Variants in XCR1 observed in about 807,000 individuals in gnomAD.
XCR1 encodes the protein chemokine XC receptor 1.
For synonymous variants in XCR1, 187 were observed against 188.5 expected, an observed-to-expected ratio of 0.99 and a Z score of 0.06; for missense variants, 356 against 424.2, an observed-to-expected ratio of 0.84 and a Z score of 1.41.
chr3:46,022,201 C>G, intron 1 of XCR1: 1 of 396,344 alleles, frequency 2.5e-6, no homozygotes, highest in South Asian at 5.2e-5. Flanking sequence ...CTCAGGAAAC[C>G]GGGGGGTGGG....
intron 4 of XCR1, among the ~76,000 whole-genome samples, chr3:46,062,364 A>G (rs73830720): frequency 0.058 from 8,831 of 152,164 alleles, 391 homozygotes; most frequent in African/African-American, 0.12. Context: ...ACCCCCCACT[A>G]CTTCTGGCTA....
At chr3:46,084,435 C>A (rs921215055) in intron 1 of XCR1, among the ~76,000 whole-genome samples, 2 of 152,186 alleles carry the variant, frequency 1.3e-5, no homozygotes, top group Non-Finnish European at 2.9e-5. Flanking sequence ...TAAGTAATTA[C>A]CTCTTGAAGC....
chr3:46,082,312 T>C (rs555329925), intron 1 of XCR1, among the ~76,000 whole-genome samples: 8 of 152,204 alleles, frequency 5.3e-5, no homozygotes, highest in Non-Finnish European at 1.2e-4. Context: ...GGAATACTTA[T>C]GGCGTTAGGC....
chr3:46,069,243 GA>G (rs1157456533), intron 3 of XCR1, among the ~76,000 whole-genome samples: 1 of 151,258 alleles, frequency 6.6e-6, no homozygotes, highest in Non-Finnish European at 1.5e-5. Flanking sequence ...AGAAAAAAAG[GA>G]AAAAAATAAG....
At chr3:46,069,383 C>G (rs943579508) in intron 3 of XCR1, among the ~76,000 whole-genome samples, 5 of 152,080 alleles carry the variant, frequency 3.3e-5, no homozygotes, top group African/African-American at 1.2e-4. Flanking sequence ...CACAAATTAG[C>G]AATATCAGGA....
In XCR1 at chr3:46,063,628, G is replaced by A. The variant is rs536280976; in HGVS notation, c.-183+3271C>T. Among the ~76,000 whole-genome samples the A allele has an allele frequency of 5.3e-5, 8 of 152,204 alleles. No individual in the cohort carries two copies. In the East Asian group the frequency reaches 1.2e-3, roughly 22 times the overall value. On this transcript the variant is annotated intron_variant, in intron 4 of 5. Coordinates refer to the XCR1 transcript ENST00000683768. ...ATGAACACCCAAGGGCAGAGCCTCGGGTGATCTGTCCTTATGCCACCTGCC... is the reference window on the plus strand; with the variant it reads ...ATGAACACCCAAGGGCAGAGCCTCGAGTGATCTGTCCTTATGCCACCTGCC...
chr3:46,023,654 G>A, intron 1 of XCR1: 2 of 1,388,510 alleles, frequency 1.4e-6, no homozygotes, highest in East Asian at 2.3e-5. Flanking sequence ...CAGAAGTACA[G>A]CCCTTCTTCA....
intron 1 of XCR1, among the ~76,000 whole-genome samples, chr3:46,024,454 A>AT (rs986737823): frequency 6.6e-6 from 1 of 152,168 alleles, no homozygotes; most frequent in African/African-American, 2.4e-5. Flanking sequence ...ACTTGGAATA[A>AT]TTTTTTTCAA....
chr3:46,049,614 C>CTCTA (rs139966967), intron 5 of XCR1, among the ~76,000 whole-genome samples: 15,331 of 152,024 alleles, frequency 0.1, 2,608 homozygotes, highest in African/African-American at 0.35. Context: ...AAGCTGTGAG[C>CTCTA]TCTAACACCT....
Position 46,019,212 on chromosome 3 carries a change from G to A in XCR1, c.*1734C>T, listed in dbSNP as rs931931594. On this transcript the variant is annotated 3_prime_UTR_variant, in exon 2 of 2. Coordinates refer to ENST00000309285, the MANE Select transcript of XCR1 (RefSeq NM_001024644.2). The stretch of plus-strand genomic sequence containing the variant: ...CTGAGAGTGTAGACTAGGAAAGAAA[G>A]GTTAATATTTATAGAGAAGCAGCCT... 1 of 152,142 alleles carries A rather than the reference G, an allele frequency of 6.6e-6. No homozygotes were observed. Among genetic ancestry groups the A allele is most frequent in the Non-Finnish European group, 1.5e-5 (1 of 68,022 alleles). The allele number at this position is 152,142 out of a possible 1,614,324, so 9.4% of individuals were successfully genotyped here. A position where few individuals can be genotyped will look rare whatever the true frequency, so the allele number is the denominator to read the frequency against.
intron 5 of XCR1, among the ~76,000 whole-genome samples, chr3:46,034,490 A>G (rs1233366049): frequency 6.6e-6 from 1 of 151,970 alleles, no homozygotes; most frequent in East Asian, 1.9e-4. Flanking sequence ...GTTCAGTACA[A>G]TGTTGAATAG....
chr3:46,066,406 G>A (rs990965416), intron 4 of XCR1, among the ~76,000 whole-genome samples: 4 of 152,068 alleles, frequency 2.6e-5, no homozygotes, highest in African/African-American at 7.2e-5. Flanking sequence ...CACCACGCCC[G>A]GCTAATTTTT....
intron 5 of XCR1, among the ~76,000 whole-genome samples, chr3:46,051,439 G>A (rs1208743798): frequency 6.6e-6 from 1 of 152,188 alleles, no homozygotes; most frequent in Admixed American, 6.5e-5. Context: ...CACTAAGGAC[G>A]TAGAAGTTAA....
chr3:46,044,267 A>T (rs1459901008), intron 5 of XCR1, among the ~76,000 whole-genome samples: 3 of 152,094 alleles, frequency 2.0e-5, no homozygotes, highest in Non-Finnish European at 4.4e-5. Flanking sequence ...GATTACAGGG[A>T]TGAGCCACCA....
At position 46,019,003 on chromosome 3, in the gene XCR1, C is replaced by T. The variant is rs543465336; in HGVS notation, c.*1943G>A. The T allele has an allele frequency of 6.6e-6, 1 of 152,302 alleles. No individual in the cohort carries two copies. The highest frequency in any genetic ancestry group is 1.5e-5 in the Non-Finnish European group (1 of 68,038). The allele number at this position is 152,302 out of a possible 1,614,324, so 9.4% of individuals were successfully genotyped here. A position where few individuals can be genotyped will look rare whatever the true frequency, so the allele number is the denominator to read the frequency against. Reference sequence around the variant, plus strand: ...TCAGGTTCACAGATTGGGCCCAGGTCTTTGTGGCATGGCAAAGTTTAGAGA... The same window carrying T: ...TCAGGTTCACAGATTGGGCCCAGGTTTTTGTGGCATGGCAAAGTTTAGAGA... On this transcript the variant is annotated 3_prime_UTR_variant, in exon 2 of 2. Coordinates refer to ENST00000309285, the MANE Select transcript of XCR1 (RefSeq NM_001024644.2).
At chr3:46,045,841 T>C (rs1002777110) in intron 5 of XCR1, among the ~76,000 whole-genome samples, 1 of 152,168 alleles carries the variant, frequency 6.6e-6, no homozygotes. Context: ...AAAGCTACCG[T>C]TGGATCCTGC....
intron 5 of XCR1, among the ~76,000 whole-genome samples, chr3:46,039,023 G>A (rs78173233): frequency 6.6e-6 from 1 of 151,306 alleles, no homozygotes; most frequent in Admixed American, 6.6e-5. Flanking sequence ...TTGACCCAAA[G>A]CCATTTATCA....
At position 46,017,512 on chromosome 3, in the gene XCR1, G is replaced by A. The variant is rs1188115882; in HGVS notation, c.*3434C>T. 1 of 152,146 alleles carries A rather than the reference G, an allele frequency of 6.6e-6. No individual in the cohort carries two copies. Among genetic ancestry groups the A allele is most frequent in the Non-Finnish European group, 1.5e-5 (1 of 68,032 alleles). 9.4% of individuals were successfully genotyped at this position (152,146 alleles called of 1,614,324 possible). A position where few individuals can be genotyped will look rare whatever the true frequency, so the allele number is the denominator to read the frequency against. On this transcript the variant is annotated 3_prime_UTR_variant, in exon 2 of 2. Coordinates refer to ENST00000309285, the MANE Select transcript of XCR1 (RefSeq NM_001024644.2). ...GGCAAGTATAGTAAGAGAAAACAGA[G>A]GTAGAAAAAAGGCCAAAAGATGGTC...
chr3:46,066,062 C>A (rs778988035), intron 4 of XCR1, among the ~76,000 whole-genome samples: 5 of 152,136 alleles, frequency 3.3e-5, no homozygotes, highest in Non-Finnish European at 7.4e-5. Flanking sequence ...CTAGCGACAG[C>A]ATTCCTGGTG....
Sources: gnomAD v4.1 joint callset for allele counts (sites outside exome capture counted in the v4.1 genomes callset) on GRCh38, gnomAD v4.1.1 for gene constraint, MANE v1.5 for transcripts, NCBI Gene and HGNC (gene_info 2026-07-23, HGNC 2026-07-21) for gene names.